Variants in ITGA9 observed in about 807,000 individuals in gnomAD.
The protein encoded by ITGA9 is integrin subunit alpha 9.
ITGA9 carries 56 observed loss-of-function variants against 127.8 expected under a neutral mutation model. The ratio of observed to expected loss-of-function variants is 0.44; its 90% CI spans 0.35 to 0.55. The LOEUF is 0.55. Among genes scored for constraint, ITGA9 ranks in the 20% least tolerant of loss-of-function variants. ITGA9 has a pLI of 0.00. For synonymous variants in ITGA9, 508 were observed against 514.5 expected (o/e 0.99, Z 0.17); for missense variants, 1,196 against 1,347.1 (o/e 0.89, Z 1.76).
At chr3:37,492,442 C>T (rs1238835256) in intron 4 of ITGA9, among the ~76,000 whole-genome samples, 1 of 152,256 alleles carries the variant, frequency 6.6e-6, no homozygotes, top group Non-Finnish European at 1.5e-5. Context: ...TGCTGGCCTT[C>T]AGCCTGGGCC....
At chr3:37,550,232 T>C (rs945276833) in intron 15 of ITGA9, among the ~76,000 whole-genome samples, 1 of 152,172 alleles carries the variant, frequency 6.6e-6, no homozygotes, top group African/African-American at 2.4e-5. Flanking sequence ...CTAGAACTAT[T>C]AGTAACTAGT....
chr3:37,778,541 CAG>C (rs1436858426), intron 24 of ITGA9, among the ~76,000 whole-genome samples: 1 of 151,558 alleles, frequency 6.6e-6, no homozygotes, highest in Non-Finnish European at 1.5e-5. Flanking sequence ...TCGGTTGAAT[CAG>C]GGAGGCAGAG....
chr3:37,751,731 T>C (rs1696588528), intron 23 of ITGA9, among the ~76,000 whole-genome samples: 1 of 152,180 alleles, frequency 6.6e-6, no homozygotes. Flanking sequence ...TGGCTATCGT[T>C]CTGGCTGAGT....
At chr3:37,817,346 A>G (rs1697447865) in intron 27 of ITGA9, among the ~76,000 whole-genome samples, 1 of 152,228 alleles carries the variant, frequency 6.6e-6, no homozygotes, top group Admixed American at 6.5e-5. Flanking sequence ...CAAGCCTACC[A>G]GCACCAGGTC....
At chr3:37,689,936 TG>T (rs984561466) in intron 18 of ITGA9, among the ~76,000 whole-genome samples, 2 of 152,238 alleles carry the variant, frequency 1.3e-5, no homozygotes, top group African/African-American at 4.8e-5. Flanking sequence ...AGGGAGCTCA[TG>T]GCCTATTGGG....
chr3:37,473,271 A>G (rs954691416), intron 2 of ITGA9, 83 bp from the exon 3 acceptor site: 1 of 984,770 alleles, frequency 1.0e-6, no homozygotes, highest in East Asian at 2.4e-5. Context: ...TTATTTCCTC[A>G]TAGGGCTGTG....
At chr3:37,742,702 C>G (rs1055198501) in intron 21 of ITGA9, among the ~76,000 whole-genome samples, 4 of 152,128 alleles carry the variant, frequency 2.6e-5, no homozygotes, top group Non-Finnish European at 5.9e-5. Context: ...GGGTCTCAGC[C>G]TTGATTAGCA....
rs1224416100 is a variant in ITGA9 at position 37,636,030 on chromosome 3, G to A, written c.1839+6694G>A. 7.2e-5 allele frequency among the ~76,000 whole-genome samples: 11 copies of A among 151,798 alleles called. No individual in the cohort carries two copies. In the South Asian group the frequency reaches 2.1e-3, roughly 29 times the overall value. Reference sequence around the variant, plus strand: ...CCACATTTTCTTAATCCAGTCTATCGTTGTTGGACATTTAGGTTGGTTCCA... The same window carrying A: ...CCACATTTTCTTAATCCAGTCTATCATTGTTGGACATTTAGGTTGGTTCCA... On this transcript the variant is annotated intron_variant, in intron 16 of 27. Coordinates refer to ENST00000264741, the MANE Select transcript of ITGA9 (RefSeq NM_002207.3).
chr3:37,517,365 T>A, intron 9 of ITGA9, 139 bp from the exon 10 acceptor site: 2 of 727,434 alleles, frequency 2.7e-6, no homozygotes, highest in Non-Finnish European at 4.8e-6. Context: ...TGGGTTCCTG[T>A]AATTCTGCCC....
At chr3:37,610,805 T>A (rs905908818) in intron 15 of ITGA9, among the ~76,000 whole-genome samples, 1 of 152,230 alleles carries the variant, frequency 6.6e-6, no homozygotes, top group Non-Finnish European at 1.5e-5. Context: ...TCTCTGTTAT[T>A]GCATCAGGAT....
At chr3:37,705,601 G>T (rs1700995552) in intron 18 of ITGA9, among the ~76,000 whole-genome samples, 1 of 152,194 alleles carries the variant, frequency 6.6e-6, no homozygotes, top group South Asian at 2.1e-4. Context: ...TCGTTTTTCA[G>T]CTCGGGGTTA....
intron 15 of ITGA9, among the ~76,000 whole-genome samples, chr3:37,579,187 C>T (rs1448287139): frequency 1.3e-5 from 2 of 152,198 alleles, no homozygotes; most frequent in African/African-American, 4.8e-5. Context: ...ACCACTCTTT[C>T]AAGCCAAGTC....
At chr3:37,622,133 T>C (rs1016494180) in intron 15 of ITGA9, among the ~76,000 whole-genome samples, 17 of 127,296 alleles carry the variant, frequency 1.3e-4, no homozygotes, top group Middle Eastern at 3.6e-3. Context: ...TTTTTGTTTG[T>C]TTACTTTTTT....
intron 1 of ITGA9, among the ~76,000 whole-genome samples, chr3:37,456,436 C>T (rs898747687): frequency 2.6e-5 from 4 of 152,168 alleles, no homozygotes; most frequent in Non-Finnish European, 5.9e-5. Context: ...GGTTACTCAG[C>T]TGCAGGGCTG....
chr3:37,786,925 C>A (rs1403441639), intron 26 of ITGA9, among the ~76,000 whole-genome samples: 1 of 152,240 alleles, frequency 6.6e-6, no homozygotes, highest in African/African-American at 2.4e-5. Flanking sequence ...TGGCTCACTG[C>A]AGCCTCCACC....
chr3:37,511,342 A>G (rs1349018818), intron 8 of ITGA9, among the ~76,000 whole-genome samples: 1 of 152,202 alleles, frequency 6.6e-6, no homozygotes, highest in Non-Finnish European at 1.5e-5. Context: ...AGCTCTGATC[A>G]TCGGACACAC....
At chr3:37,633,573 C>T (rs1208521377) in intron 16 of ITGA9, among the ~76,000 whole-genome samples, 1 of 152,172 alleles carries the variant, frequency 6.6e-6, no homozygotes, top group African/African-American at 2.4e-5. Flanking sequence ...CATTAACACA[C>T]ACAGCTGAAA....
chr3:37,655,047 G>T (rs1340789919), intron 17 of ITGA9, among the ~76,000 whole-genome samples: 1 of 152,120 alleles, frequency 6.6e-6, no homozygotes, highest in Non-Finnish European at 1.5e-5. Flanking sequence ...GCTGCATAGT[G>T]TTCTATGGTG....
intron 15 of ITGA9, among the ~76,000 whole-genome samples, chr3:37,568,711 A>C (rs1308051868): frequency 6.6e-6 from 1 of 152,156 alleles, no homozygotes; most frequent in Non-Finnish European, 1.5e-5. Context: ...TCTTTGCTAA[A>C]ACAGCAAGAA....
Sources: gnomAD v4.1 joint callset for allele counts (sites outside exome capture counted in the v4.1 genomes callset) on GRCh38, gnomAD v4.1.1 for gene constraint, MANE v1.5 for transcripts, NCBI Gene and HGNC (gene_info 2026-07-23, HGNC 2026-07-21) for gene names.